ATP5MJ: variants seen among roughly 807,000 people sequenced by gnomAD.
ATP5MJ encodes the protein ATP synthase membrane subunit j.
In ATP5MJ, 4 loss-of-function variants were observed where a neutral mutation model predicts 8.3. The observed-to-expected ratio is 0.48, with a 90% CI of 0.24 to 1.11. The LOEUF (loss-of-function observed/expected upper bound fraction) is 1.11, where lower values mean the gene tolerates loss of function less well. ATP5MJ is among the 50% of genes least tolerant of loss of function. ATP5MJ has a pLI of 0.18. For missense variants in ATP5MJ, 66 were observed against 71.8 expected (o/e 0.92, Z 0.29); for synonymous variants, 23 against 21.3 (o/e 1.08, Z -0.23).
At chr14:103,921,278 C>A in intron 1 of ATP5MJ, 192 bp downstream of exon 1, 1 of 435,140 alleles carries the variant, frequency 2.3e-6, no homozygotes. Context: ...GCGGCGCAGG[C>A]CTAGGCGATG....
intron 3 of ATP5MJ, 28 bp from the exon 4 acceptor site, chr14:103,912,722 T>A: frequency 1.2e-6 from 2 of 1,609,716 alleles, no homozygotes; most frequent in Non-Finnish European, 1.7e-6. Flanking sequence ...TATATAAATA[T>A]GATTTAAGAA....
rs370479683 is a variant in ATP5MJ, at chr14:103,914,837, C to CAAAAAGGAA, written c.124+228_124+229insTTCCTTTTT. ...GGGCGTCAGAGTGAGAGACTGTCTC[C>CAAAAAGGAA]AAAAAAAAAAAAAAAAAAAAGAAAA... On this transcript the variant is annotated intron_variant, in intron 2 of 3. Coordinates refer to ENST00000286953, the MANE Select transcript of ATP5MJ (RefSeq NM_004894.3). The CAAAAAGGAA allele has an allele frequency of 6.3e-5, 12 of 191,094 alleles. No homozygotes were observed. The Admixed American group carries it at 7.8e-4, about 12-fold the overall frequency. The allele number at this position is 191,094 out of a possible 1,614,324, so 11.8% of individuals were successfully genotyped here.
intron 2 of ATP5MJ, chr14:103,914,858 G>GGAAAAAAAA: frequency 3.1e-6 from 1 of 322,754 alleles, no homozygotes; most frequent in Admixed American, 7.1e-5. Flanking sequence ...AAAAAAAAAA[G>GGAAAAAAAA]AAAAGAAAAG....
chr14:103,913,589 C>A, intron 3 of ATP5MJ: 1 of 339,380 alleles, frequency 2.9e-6, no homozygotes. Flanking sequence ...CCAGCCTGGG[C>A]GACAGAGCGA....
At chr14:103,921,151 T>A in intron 1 of ATP5MJ, 2 of 886,904 alleles carry the variant, frequency 2.3e-6, no homozygotes, top group Non-Finnish European at 3.6e-6. Context: ...CTGGCTTCTC[T>A]AACTCTGCGT....
rs57538744 is a variant in ATP5MJ at position 103,920,468 on chromosome 14, C to CTTTTT, written c.-1+997_-1+1001dup. 1.2e-3 allele frequency among the ~76,000 whole-genome samples: 126 copies of CTTTTT among 106,542 alleles called. 2 individuals are homozygous for CTTTTT. The highest frequency in any genetic ancestry group is 4.6e-3 in the African/African-American group (123 of 26,820). The allele number at this position is 106,542 out of a possible 152,430, so 69.9% of individuals were successfully genotyped here. A position where few individuals can be genotyped will look rare whatever the true frequency, so the allele number is the denominator to read the frequency against. Reference sequence around the variant, plus strand: ...ACACATAATAAAACGACAGCCCCTACTTTTTTTTTTTTTTTTTTTTTTAAG... The same window carrying CTTTTT: ...ACACATAATAAAACGACAGCCCCTACTTTTTTTTTTTTTTTTTTTTTTTTTTTAAG... On this transcript the variant is annotated intron_variant, in intron 1 of 3. Transcript: ENST00000286953.
intron 1 of ATP5MJ, among the ~76,000 whole-genome samples, chr14:103,919,767 G>C (rs926005832): frequency 6.6e-6 from 1 of 151,930 alleles, no homozygotes; most frequent in Non-Finnish European, 1.5e-5. Flanking sequence ...CTTTCCCCTT[G>C]ACTTCAGTTG....
At chr14:103,919,080 G>C (rs1419903167) in intron 1 of ATP5MJ, among the ~76,000 whole-genome samples, 2 of 151,882 alleles carry the variant, frequency 1.3e-5, no homozygotes, top group East Asian at 3.9e-4. Flanking sequence ...TGCCTGGTAC[G>C]GAATAAAAAT....
At chr14:103,921,407 TTCTCGCCCTCCCGCCCCCGCCG>T (rs1399949000) in intron 1 of ATP5MJ, 41 bp downstream of exon 1, 1 of 231,138 alleles carries the variant, frequency 4.3e-6, no homozygotes, top group Non-Finnish European at 8.8e-6. Flanking sequence ...CCAAGGCGGC[TTCTCGCCCTCCCGCCCCCGCCG>T]TCTCGCACCT....
At chr14:103,920,386 C>T (rs975123387) in intron 1 of ATP5MJ, among the ~76,000 whole-genome samples, 1 of 151,578 alleles carries the variant, frequency 6.6e-6, no homozygotes, top group Non-Finnish European at 1.5e-5. Context: ...CCCGCCTCGG[C>T]CTCCCAAAGT....
At chr14:103,914,837 CAAAAAA>C in intron 2 of ATP5MJ, 133 of 185,888 alleles carry the variant, frequency 7.2e-4, no homozygotes, top group East Asian at 9.7e-4. Flanking sequence ...AGACTGTCTC[CAAAAAA>C]AAAAAAAAAA....
chr14:103,912,828 A>T (rs137939603), intron 3 of ATP5MJ, 134 bp from the exon 4 acceptor site: 2 of 851,918 alleles, frequency 2.3e-6, no homozygotes, highest in Non-Finnish European at 3.7e-6. Context: ...TACTATTGAA[A>T]AGTAGGATTA....
At chr14:103,916,111 T>C (rs1280206622) in intron 1 of ATP5MJ, among the ~76,000 whole-genome samples, 1 of 152,164 alleles carries the variant, frequency 6.6e-6, no homozygotes, top group Non-Finnish European at 1.5e-5. Context: ...TATTGCTAAA[T>C]ACAAAACAGA....
intron 1 of ATP5MJ, among the ~76,000 whole-genome samples, chr14:103,919,896 G>A (rs1164918168): frequency 6.6e-6 from 1 of 151,876 alleles, no homozygotes; most frequent in African/African-American, 2.4e-5. Context: ...GTGCGATCGC[G>A]GCTCACTGCA....
chr14:103,921,062 G>A (rs929356165), intron 1 of ATP5MJ: 1 of 1,548,244 alleles, frequency 6.5e-7, no homozygotes, highest in Middle Eastern at 1.7e-4. Context: ...ATAACGTGGA[G>A]GGCAGTGTGG....
chr14:103,917,106 C>T (rs898938505), intron 1 of ATP5MJ, among the ~76,000 whole-genome samples: 1 of 152,166 alleles, frequency 6.6e-6, no homozygotes, highest in African/African-American at 2.4e-5. Flanking sequence ...GAATCCTCGG[C>T]ATTGGCAGAG....
intron 2 of ATP5MJ, chr14:103,914,837 C>CAAAAAGAAAAA (rs370479683): frequency 1.6e-5 from 3 of 191,092 alleles, no homozygotes; most frequent in African/African-American, 1.2e-4. Flanking sequence ...AGACTGTCTC[C>CAAAAAGAAAAA]AAAAAAAAAA....
rs2087587674 is a variant in ATP5MJ, at chr14:103,912,453, G to C, written c.*213C>G. 3.4e-6 allele frequency: 2 copies of C among 589,994 alleles called. No homozygotes were observed. The allele number at this position is 589,994 out of a possible 1,614,324, so 36.5% of individuals were successfully genotyped here. ...CGCTGCATGACAAATTATCTACTCA[G>C]AGTATGCCTGACACGCCGGAGGGGC... On this transcript the variant is annotated 3_prime_UTR_variant, in exon 4 of 4. Transcript: ENST00000286953.
At chr14:103,916,414 G>C (rs1382568884) in intron 1 of ATP5MJ, among the ~76,000 whole-genome samples, 1 of 152,192 alleles carries the variant, frequency 6.6e-6, no homozygotes, top group African/African-American at 2.4e-5. Context: ...GGAGTGACTA[G>C]ATCTAAGCAC....
Sources: gnomAD v4.1 joint callset for allele counts (sites outside exome capture counted in the v4.1 genomes callset) on GRCh38, gnomAD v4.1.1 for gene constraint, MANE v1.5 for transcripts, NCBI Gene and HGNC (gene_info 2026-07-23, HGNC 2026-07-21) for gene names.